MDN1: variants seen among roughly 807,000 people sequenced by gnomAD.
MDN1 encodes midasin AAA ATPase 1, also known as midasin.
A neutral mutation model predicts 669.2 loss-of-function variants in MDN1; 266 were observed. The observed-to-expected ratio is 0.40, with a 90% CI of 0.36 to 0.44. The LOEUF is 0.44. Among genes scored for constraint, MDN1 ranks in the 20% least tolerant of loss-of-function variants. The probability of loss-of-function intolerance (pLI) is 1.00; values close to 1 mark genes in which losing one functional copy is unlikely to be tolerated. For synonymous variants in MDN1, 2,385 were observed against 2,457.1 expected (o/e 0.97, Z 0.87); for missense variants, 5,940 against 6,754.0 (o/e 0.88, Z 4.22).
chr6:89,793,237 C>A (rs1819375180), intron 5 of MDN1, among the ~76,000 whole-genome samples: 1 of 152,166 alleles, frequency 6.6e-6, no homozygotes, highest in African/African-American at 2.4e-5. Context: ...CCTGTCTTTG[C>A]CACAGAGCAG....
intron 11 of MDN1, 101 bp downstream of exon 11, chr6:89,780,111 A>G: frequency 1.5e-6 from 1 of 653,140 alleles, no homozygotes; most frequent in Non-Finnish European, 2.5e-6. Flanking sequence ...ATACTTGGAA[A>G]AAAGAAAAAA....
At chr6:89,715,794 G>A (rs1375530828) in intron 44 of MDN1, 25 bp from the exon 45 acceptor site, 4 of 1,464,822 alleles carry the variant, frequency 2.7e-6, no homozygotes, top group Non-Finnish European at 2.9e-6. Flanking sequence ...TTCAGATGGT[G>A]GATAGGCTGA....
At chr6:89,758,445 C>CCATCCTTG in intron 18 of MDN1, 94 bp from the exon 19 acceptor site, 4 of 989,822 alleles carry the variant, frequency 4.0e-6, no homozygotes, top group Non-Finnish European at 6.1e-6. Flanking sequence ...GCTGCTCACA[C>CCATCCTTG]CATCCTTGTC....
rs1173728297 is a variant in MDN1, at chr6:89,740,297, A to C, written c.4530T>G (p.Thr1510=). ...CTAGAATACGAAATTTTTTCCCAGCAGTCAACAGCTCTATTTCACTATCCT... is the reference window on the plus strand; with the variant it reads ...CTAGAATACGAAATTTTTTCCCAGCCGTCAACAGCTCTATTTCACTATCCT... The part of the protein sequence containing the change: ...EDKDSEIELL[T]AGKKFRILAT... The change falls in exon 32 of 102, where the codon ACT becomes ACG. Residue 1510 remains threonine (T), a synonymous_variant. Transcript: ENST00000369393. The C allele has an allele frequency of 2.5e-6, 4 of 1,611,966 alleles. No homozygotes were observed. Among genetic ancestry groups the C allele is most frequent in the Non-Finnish European group, 3.4e-6 (4 of 1,179,474 alleles).
In MDN1 at chr6:89,674,497, T is replaced by G. The variant is rs1811050080; in HGVS notation, c.12854A>C (p.Gln4285Pro). 6.2e-7 allele frequency: 1 copy of G among 1,611,972 alleles called. No homozygotes were observed. Among genetic ancestry groups the G allele is most frequent in the Non-Finnish European group, 8.5e-7 (1 of 1,179,948 alleles). ...VAFPPQDGVQQWTERLQHLAM... is the reference protein window; with the variant it reads ...VAFPPQDGVQPWTERLQHLAM... ...CAGGTGCTGCAGGCGCTCTGTCCAC[T>G]GCTGCACGCCATCCTGAGGGGGGAA... Residue 4285 changes from glutamine to proline, a missense_variant, in exon 79 of 102, where the codon CAG (glutamine) becomes CCG (proline). Gln to Pro is a moderately conservative substitution (Grantham distance 76). Coordinates refer to ENST00000369393, the MANE Select transcript of MDN1 (RefSeq NM_014611.3).
rs1386657063 is a variant in MDN1 at position 89,677,571 on chromosome 6, T to C, written c.12538A>G (p.Arg4180Gly). 6.2e-7 allele frequency: 1 copy of C among 1,613,724 alleles called. No individual in the cohort carries two copies. The highest frequency in any genetic ancestry group is 1.7e-5 in the Admixed American group (1 of 59,892). Reference sequence around the variant, plus strand: ...AAAACAAAACAAAAACAGACAAACCTAGAATCAGCCTCCTGAGTGCTGCTG... The same window carrying C: ...AAAACAAAACAAAAACAGACAAACCCAGAATCAGCCTCCTGAGTGCTGCTG... Reference protein sequence around the residue: ...IVSSTQEADSRLLTEISSSWD... With the variant: ...IVSSTQEADSGLLTEISSSWD... Residue 4180 changes from arginine to glycine, a missense_variant and splice_region_variant, in exon 76 of 102, where the codon AGG becomes GGG. Transcript: ENST00000369393.
intron 73 of MDN1, 98 bp from the exon 74 acceptor site, chr6:89,680,849 C>T: frequency 1.5e-6 from 2 of 1,306,696 alleles, no homozygotes; most frequent in Non-Finnish European, 2.1e-6. Flanking sequence ...AAACACATCC[C>T]TAGTTCAGCA....
chr6:89,746,459 GT>G (rs1321304838), intron 27 of MDN1, among the ~76,000 whole-genome samples: 1 of 151,966 alleles, frequency 6.6e-6, no homozygotes, highest in African/African-American at 2.4e-5. Flanking sequence ...GCGCTTGCCT[GT>G]AATCCCAGCT....
Position 89,794,756 on chromosome 6 carries a change from T to C in MDN1, c.375A>G (p.Arg125=). The C allele has an allele frequency of 6.2e-7, 1 of 1,614,256 alleles. No individual in the cohort carries two copies. The highest frequency in any genetic ancestry group is 1.3e-5 in the African/African-American group (1 of 75,076). Residue 125 remains arginine, a synonymous_variant, in exon 3 of 102, where the codon AGA becomes AGG. Coordinates refer to ENST00000369393, the MANE Select transcript of MDN1 (RefSeq NM_014611.3). The stretch of plus-strand genomic sequence containing the variant: ...TAGCATCTGAACTCTCTAGGAAAAG[T>C]CTTTGAAAGACTGGGGATGTGTCCT... ...YFKDTSPVFQ[R]LFLESSDANP... is the part of the protein sequence containing the mutation.
intron 13 of MDN1, among the ~76,000 whole-genome samples, chr6:89,773,308 G>A (rs187275982): frequency 4.5e-4 from 69 of 151,798 alleles, no homozygotes; most frequent in Admixed American, 3.5e-3. Context: ...TTGGGAGGCC[G>A]AAGCTGGCAG....
At chr6:89,774,051 AG>A (rs1257243768) in intron 13 of MDN1, among the ~76,000 whole-genome samples, 1 of 152,138 alleles carries the variant, frequency 6.6e-6, no homozygotes, top group African/African-American at 2.4e-5. Flanking sequence ...CTTCAGAGGG[AG>A]GAGCATGGCC....
chr6:89,812,827 G>A lies in MDN1; in HGVS notation c.102+6679C>T, dbSNP rs544111575. Among the ~76,000 whole-genome samples the A allele has an allele frequency of 5.9e-5, 9 of 152,250 alleles. 1 individual carries two copies. In the South Asian group the frequency reaches 1.9e-3, roughly 32 times the overall value. On this transcript the variant is annotated intron_variant, in intron 1 of 101. Transcript: ENST00000369393. ...AAACCTAAGCAATTAGGCTGGGTGCGGTGGCTCCTACCTGCAATCCCAACA... is the reference window on the plus strand; with the variant it reads ...AAACCTAAGCAATTAGGCTGGGTGCAGTGGCTCCTACCTGCAATCCCAACA...
At chr6:89,652,337 T>G in intron 94 of MDN1, 56 bp from the exon 95 acceptor site, 2 of 1,315,558 alleles carry the variant, frequency 1.5e-6, no homozygotes, top group Non-Finnish European at 2.2e-6. Context: ...ACCAACTTAG[T>G]ATCACTGGGT....
intron 2 of MDN1, among the ~76,000 whole-genome samples, chr6:89,796,153 C>T (rs1005355140): frequency 6.6e-6 from 1 of 151,042 alleles, no homozygotes; most frequent in Admixed American, 6.6e-5. Flanking sequence ...GGTGAAACTC[C>T]GTCTCTACTA....
chr6:89,690,620 A>G (rs1197470272), intron 64 of MDN1, 53 bp downstream of exon 64: 2 of 1,591,308 alleles, frequency 1.3e-6, no homozygotes, highest in East Asian at 2.2e-5. Flanking sequence ...GAGGGAATGT[A>G]TATGGCATCA....
At chr6:89,790,473 A>C (rs1409729725) in intron 5 of MDN1, 72 bp from the exon 6 acceptor site, 1 of 1,593,128 alleles carries the variant, frequency 6.3e-7, no homozygotes, top group Non-Finnish European at 8.6e-7. Flanking sequence ...TTTCCACAGT[A>C]AGCCTTCTAC....
chr6:89,680,364 G>C (rs1416542415), intron 74 of MDN1, among the ~76,000 whole-genome samples: 1 of 152,232 alleles, frequency 6.6e-6, no homozygotes, highest in African/African-American at 2.4e-5. Flanking sequence ...AGATGGCACA[G>C]TGCCAAGTTA....
At chr6:89,656,087 T>A in intron 91 of MDN1, 119 bp from the exon 92 acceptor site, 1 of 816,184 alleles carries the variant, frequency 1.2e-6, no homozygotes, top group East Asian at 2.7e-5. Flanking sequence ...CATACAAGAA[T>A]GGAATTCAAT....
intron 11 of MDN1, among the ~76,000 whole-genome samples, chr6:89,777,537 A>C (rs1818414601): frequency 6.6e-6 from 1 of 152,180 alleles, no homozygotes; most frequent in African/African-American, 2.4e-5. Context: ...AAAGACCACA[A>C]GATTAGGATT....
Sources: allele counts gnomAD v4.1 joint callset (sites outside exome capture counted in the v4.1 genomes callset), GRCh38; gene constraint gnomAD v4.1.1; transcripts MANE v1.5; gene names NCBI Gene and HGNC (gene_info 2026-07-23, HGNC 2026-07-21).